The following GABRA5 variants were observed in gnomAD, a reference collection of about 807,000 sequenced individuals.
GABRA5 encodes gamma-aminobutyric acid type A receptor subunit alpha5.
Under a neutral mutation model 47.3 loss-of-function variants are expected in GABRA5, and 18 were observed. That is an observed-to-expected ratio of 0.38 (90% CI 0.26 to 0.56). The LOEUF is 0.56. Ranked by LOEUF, GABRA5 falls within the 20% of genes least tolerant of loss-of-function variation. The pLI, the probability that GABRA5 is intolerant of heterozygous loss-of-function variation, is 0.71. For missense variants in GABRA5, 365 were observed against 599.3 expected (o/e 0.61, Z 4.08); for synonymous variants, 237 against 229.3 (o/e 1.03, Z -0.30).
At chr15:26,882,890 G>T (rs985614744) in intron 4 of GABRA5, among the ~76,000 whole-genome samples, 3 of 152,202 alleles carry the variant, frequency 2.0e-5, no homozygotes, top group African/African-American at 7.2e-5. Flanking sequence ...GCCCCACGGC[G>T]AGGCCTCAGC....
Position 26,947,914 on chromosome 15 carries a change from A to T in GABRA5, c.1090-20A>T, listed in dbSNP as rs200318671. ...TTGCCTGCAAATGGCGTGTCCTTAC[A>T]TTCGTATTATATTTTGCAGAAAAAG... On this transcript the variant is annotated intron_variant, in intron 10 of 10. Coordinates refer to ENST00000335625, the MANE Select transcript of GABRA5 (RefSeq NM_000810.4). 1 of 1,554,514 alleles carries T rather than the reference A, an allele frequency of 6.4e-7. No homozygotes were observed. The highest frequency in any genetic ancestry group is 2.4e-5 in the East Asian group (1 of 41,778).
At position 26,883,659 on chromosome 15, in the gene GABRA5, A is replaced by AT; in HGVS notation, c.497+102_497+103insT. 1.1e-6 allele frequency: 1 copy of AT among 945,702 alleles called. No individual in the cohort carries two copies. Among genetic ancestry groups the AT allele is most frequent in the Non-Finnish European group, 1.5e-6 (1 of 659,048 alleles). The allele number at this position is 945,702 out of a possible 1,614,324, so 58.6% of individuals were successfully genotyped here. A position where few individuals can be genotyped will look rare whatever the true frequency, so the allele number is the denominator to read the frequency against. On this transcript the variant is annotated intron_variant, in intron 6 of 10. Coordinates refer to ENST00000335625, the MANE Select transcript of GABRA5 (RefSeq NM_000810.4). The surrounding 1 kb of genome is among the most constrained non-coding windows in gnomAD (Gnocchi z 4.8). ...TGCGCCGCGGAGCTGTTCTGACCAT[A>AT]GGTCTGAGACTGCGGCGCGTGTGTG...
chr15:26,893,192 TG>T (rs1893060310), intron 6 of GABRA5, among the ~76,000 whole-genome samples: 2 of 101,646 alleles, frequency 2.0e-5, no homozygotes, highest in African/African-American at 7.1e-5. Flanking sequence ...GGTGTGTGTG[TG>T]TATAGTGTGT....
intron 7 of GABRA5, among the ~76,000 whole-genome samples, chr15:26,935,253 C>T (rs142464897): frequency 7.9e-4 from 121 of 152,282 alleles, no homozygotes; most frequent in African/African-American, 2.6e-3. Context: ...CTATTAACAT[C>T]GTCAATATCA....
At chr15:26,917,982 T>C (rs1471394331) in intron 7 of GABRA5, among the ~76,000 whole-genome samples, 1 of 152,102 alleles carries the variant, frequency 6.6e-6, no homozygotes, top group Admixed American at 6.5e-5. Flanking sequence ...TTTATTTTTT[T>C]TCAAGGGACA....
intron 6 of GABRA5, among the ~76,000 whole-genome samples, chr15:26,904,556 G>A (rs912518364): frequency 3.9e-5 from 6 of 152,116 alleles, no homozygotes; most frequent in African/African-American, 1.4e-4. Context: ...GCTTTCAGCA[G>A]TATGGCCATT....
chr15:26,880,921 T>C lies in GABRA5; in HGVS notation c.162T>C (p.Asp54=), dbSNP rs750116800. 1 of 1,614,018 alleles carries C rather than the reference T, an allele frequency of 6.2e-7. No homozygotes were observed. Among genetic ancestry groups the C allele is most frequent in the Non-Finnish European group, 8.5e-7 (1 of 1,179,886 alleles). ...TCACGATATTTACCAGGATCTTGGA[T>C]GGGCTCTTGGATGGCTACGACAACA... ...DNITIFTRIL[D]GLLDGYDNRL... Residue 54 remains aspartate, a synonymous_variant, in exon 4 of 11, where the codon GAT becomes GAC. Transcript: ENST00000335625.
chr15:26,872,132 C>T (rs1426243533), intron 3 of GABRA5, among the ~76,000 whole-genome samples: 6 of 152,180 alleles, frequency 3.9e-5, no homozygotes, highest in African/African-American at 1.4e-4. Context: ...GGAGACTCCT[C>T]TCACTTGTAT....
At chr15:26,927,877 T>C (rs1203350269) in intron 7 of GABRA5, among the ~76,000 whole-genome samples, 5 of 152,228 alleles carry the variant, frequency 3.3e-5, no homozygotes, top group Non-Finnish European at 5.9e-5. Flanking sequence ...AGAACTGAAT[T>C]AACAGACATT....
intron 9 of GABRA5, among the ~76,000 whole-genome samples, chr15:26,942,863 C>A (rs977641466): frequency 6.6e-6 from 1 of 152,096 alleles, no homozygotes; most frequent in African/African-American, 2.4e-5. Flanking sequence ...GTGGGTGGAT[C>A]GCATGAGGCC....
rs140764714 is a variant in GABRA5 at position 26,923,940 on chromosome 15, G to C, written c.580+9055G>C. On this transcript the variant is annotated intron_variant, in intron 7 of 10. Coordinates refer to ENST00000335625, the MANE Select transcript of GABRA5 (RefSeq NM_000810.4). Reference sequence around the variant, plus strand: ...TTTTTTTCTATAGCTTCTGTTCTGTGTTGAGACTTTCAGTTTTTTAAAAGT... The same window carrying C: ...TTTTTTTCTATAGCTTCTGTTCTGTCTTGAGACTTTCAGTTTTTTAAAAGT... Among the ~76,000 whole-genome samples, 527 of 151,384 alleles carry C rather than the reference G, an allele frequency of 3.5e-3. 4 individuals carry two copies. The highest frequency in any genetic ancestry group is 0.012 in the African/African-American group (515 of 41,224).
intron 7 of GABRA5, among the ~76,000 whole-genome samples, chr15:26,932,646 A>G (rs1332913241): frequency 6.6e-6 from 1 of 152,242 alleles, no homozygotes; most frequent in African/African-American, 2.4e-5. Flanking sequence ...TCATTATTCT[A>G]TTATAAAGAT....
At chr15:26,916,840 T>A (rs1327086991) in intron 7 of GABRA5, among the ~76,000 whole-genome samples, 1 of 152,078 alleles carries the variant, frequency 6.6e-6, no homozygotes, top group Non-Finnish European at 1.5e-5. Flanking sequence ...CTATAATAAG[T>A]GGGATTGTTT....
intron 7 of GABRA5, among the ~76,000 whole-genome samples, chr15:26,936,024 G>A (rs1312845967): frequency 6.6e-6 from 1 of 152,076 alleles, no homozygotes; most frequent in Admixed American, 6.5e-5. Flanking sequence ...TGGATTATGG[G>A]GGCAATTCCC....
intron 7 of GABRA5, among the ~76,000 whole-genome samples, chr15:26,934,019 G>A (rs1402106063): frequency 1.3e-5 from 2 of 152,074 alleles, no homozygotes; most frequent in African/African-American, 4.8e-5. Flanking sequence ...AGGGGAGGCT[G>A]AGGCGGGTGT....
chr15:26,877,641 A>G, intron 3 of GABRA5: 1 of 455,592 alleles, frequency 2.2e-6, no homozygotes, highest in South Asian at 1.6e-5. Context: ...GTGGAATGAC[A>G]ATACCGAAAA....
chr15:26,936,907 T>G (rs1281668078), intron 7 of GABRA5, among the ~76,000 whole-genome samples: 5 of 152,150 alleles, frequency 3.3e-5, no homozygotes, highest in Admixed American at 1.3e-4. Context: ...AGAGCTCATG[T>G]TCTCACCTCC....
intron 7 of GABRA5, among the ~76,000 whole-genome samples, chr15:26,936,625 G>A (rs1165201539): frequency 6.6e-6 from 1 of 152,206 alleles, no homozygotes; most frequent in East Asian, 1.9e-4. Context: ...CACCAGGGGT[G>A]CAGGTCCTGC....
chr15:26,869,727 T>C (rs1892416671), intron 3 of GABRA5, among the ~76,000 whole-genome samples: 2 of 152,240 alleles, frequency 1.3e-5, no homozygotes, highest in Non-Finnish European at 2.9e-5. Context: ...GGTTCCATTA[T>C]GCAATCAAAG....
Sources: gnomAD v4.1 joint callset for allele counts (sites outside exome capture counted in the v4.1 genomes callset) on GRCh38, gnomAD v4.1.1 for gene constraint, Gnocchi (gnomAD v3.1) non-coding constraint, MANE v1.5 for transcripts, NCBI Gene and HGNC (gene_info 2026-07-23, HGNC 2026-07-21) for gene names.